Variants in MMP26 observed in about 807,000 individuals in gnomAD.
MMP26 encodes the protein matrix metallopeptidase 26.
A neutral mutation model predicts 31.0 loss-of-function variants in MMP26; 33 were observed. The observed-to-expected ratio is 1.06, with a 90% CI of 0.81 to 1.42. The LOEUF is 1.42. Ranked by LOEUF, MMP26 falls within the 40% of genes most tolerant of loss-of-function variation. The pLI is 0.00. For missense variants in MMP26, 347 were observed against 316.1 expected (o/e 1.10, Z -0.74); for synonymous variants, 122 against 114.9 (o/e 1.06, Z -0.40).
chr11:4,785,629 A>C (rs1848932388), intron 2 of MMP26, among the ~76,000 whole-genome samples: 1 of 152,184 alleles, frequency 6.6e-6, no homozygotes, highest in Non-Finnish European at 1.5e-5. Context: ...TATCATTACA[A>C]ATCCTAATTC....
At chr11:4,745,311 T>C (rs1203880440) in intron 1 of MMP26, among the ~76,000 whole-genome samples, 1 of 152,220 alleles carries the variant, frequency 6.6e-6, no homozygotes, top group Non-Finnish European at 1.5e-5. Context: ...TGTAGCTCAG[T>C]GGCTTCCCAG....
intron 2 of MMP26, among the ~76,000 whole-genome samples, chr11:4,818,501 AT>A (rs886206828): frequency 1.3e-5 from 2 of 152,062 alleles, no homozygotes; most frequent in African/African-American, 4.8e-5. Context: ...AAAAAGATTC[AT>A]TATATTCTTT....
At chr11:4,721,428 C>T (rs986203153) in intron 1 of MMP26, among the ~76,000 whole-genome samples, 11 of 152,174 alleles carry the variant, frequency 7.2e-5, no homozygotes, top group Admixed American at 7.2e-4. Context: ...TCTACTTCTC[C>T]TAGGACATGC....
At chr11:4,769,232 C>A (rs1203060759) in intron 2 of MMP26, 1 of 1,613,828 alleles carries the variant, frequency 6.2e-7, no homozygotes, top group Admixed American at 1.7e-5. Context: ...GGAGGCAATT[C>A]TGAGGACAGA....
intron 1 of MMP26, among the ~76,000 whole-genome samples, chr11:4,747,307 T>A (rs1848394482): frequency 6.6e-6 from 1 of 152,196 alleles, no homozygotes; most frequent in African/African-American, 2.4e-5. Flanking sequence ...GAATTCTGGG[T>A]AATGAGCAAG....
At chr11:4,819,029 C>A (rs1849457707) in intron 2 of MMP26, among the ~76,000 whole-genome samples, 1 of 152,044 alleles carries the variant, frequency 6.6e-6, no homozygotes, top group Non-Finnish European at 1.5e-5. Flanking sequence ...TACAGGATAA[C>A]TCCTAGATTT....
chr11:4,781,986 A>G (rs1451541373), intron 2 of MMP26, among the ~76,000 whole-genome samples: 1 of 152,210 alleles, frequency 6.6e-6, no homozygotes, highest in Non-Finnish European at 1.5e-5. Flanking sequence ...TGGAACTGTA[A>G]GTCCAATTAA....
At chr11:4,760,029 C>G (rs1345706699) in intron 1 of MMP26, among the ~76,000 whole-genome samples, 1 of 152,186 alleles carries the variant, frequency 6.6e-6, no homozygotes, top group Non-Finnish European at 1.5e-5. Flanking sequence ...AGGCCTTATT[C>G]TTATCTAGCC....
intron 2 of MMP26, among the ~76,000 whole-genome samples, chr11:4,863,429 AT>A (rs1270949229): frequency 6.6e-6 from 1 of 151,966 alleles, no homozygotes; most frequent in East Asian, 1.9e-4. Context: ...CAAAACCTGC[AT>A]TTTACTTTCT....
intron 2 of MMP26, among the ~76,000 whole-genome samples, chr11:4,796,640 G>A (rs1849111369): frequency 6.6e-6 from 1 of 152,120 alleles, no homozygotes; most frequent in Non-Finnish European, 1.5e-5. Flanking sequence ...GGTCTGATAG[G>A]TGATTACTGT....
At position 4,797,260 on chromosome 11, in the gene MMP26, A is replaced by C. The variant is rs553544457; in HGVS notation, c.-145+29919A>C. ...AGCATTCAATGAAGTTCCTGAAGAA[A>C]TGAAAGAATGAATGAATGAATTTTC... On this transcript the variant is annotated intron_variant, in intron 2 of 7. Transcript: ENST00000380390. Among the ~76,000 whole-genome samples the C allele has an allele frequency of 5.9e-5, 9 of 152,310 alleles. No homozygotes were observed. In the South Asian group the frequency reaches 8.3e-4, roughly 14 times the overall value.
At chr11:4,991,528 C>T in intron 6 of MMP26, 32 bp downstream of exon 6, 1 of 1,607,354 alleles carries the variant, frequency 6.2e-7, no homozygotes, top group Non-Finnish European at 8.5e-7. Flanking sequence ...ATCGCTAGAA[C>T]TCTCTGGGAA....
chr11:4,910,080 CAT>C (rs1850966500), intron 2 of MMP26, among the ~76,000 whole-genome samples: 1 of 152,184 alleles, frequency 6.6e-6, no homozygotes, highest in South Asian at 2.1e-4. Flanking sequence ...GCAGTTCTGA[CAT>C]GGGCTTCATT....
In MMP26 at chr11:4,954,836, T is replaced by C. The variant is rs200401320; in HGVS notation, c.-144-33232T>C. The C allele has an allele frequency of 1.8e-6, 2 of 1,104,904 alleles. 1 individual carries two copies. Among genetic ancestry groups the C allele is most frequent in the Admixed American group, 4.9e-5 (2 of 41,060 alleles). 68.4% of individuals were successfully genotyped at this position (1,104,904 alleles called of 1,614,324 possible). A position where few individuals can be genotyped will look rare whatever the true frequency, so the allele number is the denominator to read the frequency against. On this transcript the variant is annotated intron_variant, in intron 2 of 7. Transcript: ENST00000380390. ...TCTAATCTGTTTAGTTTTTACACAA[T>C]AAACAATTGGTTTCATCAGCGGAGG...
At chr11:4,723,060 C>G (rs911920238) in intron 1 of MMP26, 44 of 1,193,990 alleles carry the variant, frequency 3.7e-5, no homozygotes, top group Non-Finnish European at 4.9e-5. Flanking sequence ...TTCATCAGCT[C>G]CTGGTACCCA....
chr11:4,804,056 C>T (rs1418019141), intron 2 of MMP26: 4 of 1,613,888 alleles, frequency 2.5e-6, no homozygotes, highest in Admixed American at 1.7e-5. Flanking sequence ...GAAGAAAAGG[C>T]ATGGATGAAG....
chr11:4,904,623 G>T (rs1351852314), intron 2 of MMP26, among the ~76,000 whole-genome samples: 1 of 152,006 alleles, frequency 6.6e-6, no homozygotes, highest in Non-Finnish European at 1.5e-5. Flanking sequence ...CAGTACTTCT[G>T]AATAAACAGC....
rs1423488485 is a variant in MMP26, at chr11:4,834,002, G to A, written c.-145+66661G>A. 3.3e-5 allele frequency among the ~76,000 whole-genome samples: 5 copies of A among 152,024 alleles called. No homozygotes were observed. The East Asian group carries it at 7.7e-4, about 23-fold the overall frequency. On this transcript the variant is annotated intron_variant, in intron 2 of 7. Coordinates refer to ENST00000380390, the MANE Select transcript of MMP26 (RefSeq NM_021801.5). ...CTCTGTCGATGGTATGTGCTTGGTAGATCTATTAATATATCAGTTTGAACT... is the reference window on the plus strand; with the variant it reads ...CTCTGTCGATGGTATGTGCTTGGTAAATCTATTAATATATCAGTTTGAACT...
At chr11:4,925,558 G>C (rs922009657) in intron 2 of MMP26, among the ~76,000 whole-genome samples, 1 of 152,070 alleles carries the variant, frequency 6.6e-6, no homozygotes, top group Non-Finnish European at 1.5e-5. Flanking sequence ...GAGGGCTTGA[G>C]TTACAGGTAT....
Sources: allele counts gnomAD v4.1 joint callset (sites outside exome capture counted in the v4.1 genomes callset), GRCh38; gene constraint gnomAD v4.1.1; transcripts MANE v1.5; gene names NCBI Gene and HGNC (gene_info 2026-07-23, HGNC 2026-07-21).